HLA-DRA: variants seen among roughly 807,000 people sequenced by gnomAD.
HLA-DRA encodes HLA class II histocompatibility antigen, DR alpha chain.
A neutral mutation model predicts 22.1 loss-of-function variants in HLA-DRA; 8 were observed. The ratio of observed to expected loss-of-function variants is 0.36; its 90% confidence interval spans 0.21 to 0.65. HLA-DRA has a LOEUF of 0.65. Among genes scored for constraint, HLA-DRA ranks in the 30% least tolerant of loss-of-function variants. The pLI, the probability that HLA-DRA is intolerant of heterozygous loss-of-function variation, is 0.63. For missense variants in HLA-DRA, 248 were observed against 321.3 expected, an observed-to-expected ratio of 0.77 and a Z score of 1.74; for synonymous variants, 101 against 117.1, an observed-to-expected ratio of 0.86 and a Z score of 0.89.
chr6:32,443,407 A>G lies in HLA-DRA; in HGVS notation c.551A>G (p.Asp184Gly), dbSNP rs1224905721. Reference protein sequence around the residue: ...HYLPFLPSTEDVYDCRVEHWG... With the variant: ...HYLPFLPSTEGVYDCRVEHWG... Reference sequence around the variant, plus strand: ...CTCCCCTTCCTGCCCTCAACTGAGGACGTTTACGACTGCAGGGTGGAGCAC... The same window carrying G: ...CTCCCCTTCCTGCCCTCAACTGAGGGCGTTTACGACTGCAGGGTGGAGCAC... Residue 184 changes from aspartate to glycine, a missense_variant, in exon 3 of 5, where the codon GAC (aspartate) becomes GGC (glycine). By Grantham distance (94) the Asp-to-Gly change is moderately conservative. Transcript: ENST00000395388. The G allele has an allele frequency of 6.2e-7, 1 of 1,612,790 alleles. No homozygotes were observed. Among genetic ancestry groups the G allele is most frequent in the East Asian group, 2.2e-5 (1 of 44,898 alleles).
chr6:32,443,096 C>T (rs984542713), intron 2 of HLA-DRA, 89 bp from the exon 3 acceptor site: 26 of 1,199,112 alleles, frequency 2.2e-5, no homozygotes, highest in African/African-American at 3.0e-5. Context: ...TTTTTAGATA[C>T]GTTTGTACCA....
intron 4 of HLA-DRA, among the ~76,000 whole-genome samples, chr6:32,444,318 C>T (rs1762799536): frequency 6.6e-6 from 1 of 152,080 alleles, no homozygotes; most frequent in African/African-American, 2.4e-5. Context: ...TTTCCTGGGG[C>T]AGGTCATCAG....
chr6:32,442,456 G>A lies in HLA-DRA; in HGVS notation c.91G>A (p.Val31Met), dbSNP rs1305664191. ...CATTTCTTGCCTTTCAGAAGAACAT[G>A]TGATCATCCAGGCCGAGTTCTATCT... ...QESWAIKEEH[V>M]IIQAEFYLNP... The change falls in exon 2 of 5, where the codon GTG becomes ATG. Residue 31 changes from valine (V) to methionine (M), a missense_variant. Physicochemically the swap from Val to Met is conservative, Grantham distance 21. Coordinates refer to ENST00000395388, the MANE Select transcript of HLA-DRA (RefSeq NM_019111.5). The A allele has an allele frequency of 2.5e-6, 4 of 1,613,012 alleles. No individual in the cohort carries two copies. Among genetic ancestry groups the A allele is most frequent in the East Asian group, 2.2e-5 (1 of 44,886 alleles).
At chr6:32,444,390 G>A (rs1762802779) in intron 4 of HLA-DRA, among the ~76,000 whole-genome samples, 1 of 152,098 alleles carries the variant, frequency 6.6e-6, no homozygotes, top group African/African-American at 2.4e-5. Context: ...GCATGAAATG[G>A]GAATCTCTTA....
At chr6:32,441,301 T>C (rs1009306964) in intron 1 of HLA-DRA, among the ~76,000 whole-genome samples, 54 of 152,286 alleles carry the variant, frequency 3.5e-4, no homozygotes, top group Non-Finnish European at 6.8e-4. Flanking sequence ...GAGGTTGCAG[T>C]GAGCTGAGAT....
chr6:32,441,716 C>G (rs1386709719), intron 1 of HLA-DRA, among the ~76,000 whole-genome samples: 2 of 152,092 alleles, frequency 1.3e-5, no homozygotes, highest in African/African-American at 4.8e-5. Context: ...ACTTCAGTCC[C>G]CAGGTATATT....
intron 1 of HLA-DRA, among the ~76,000 whole-genome samples, chr6:32,441,446 C>T (rs1762614953): frequency 6.6e-6 from 1 of 152,228 alleles, no homozygotes; most frequent in Admixed American, 6.5e-5. Flanking sequence ...ATACACTCCA[C>T]AGAGGCAGCA....
chr6:32,440,836 G>T (rs987058914), intron 1 of HLA-DRA, among the ~76,000 whole-genome samples: 1 of 152,190 alleles, frequency 6.6e-6, no homozygotes, highest in African/African-American at 2.4e-5. Context: ...CCCACAGAAG[G>T]TGTCAGGTAG....
intron 3 of HLA-DRA, 37 bp downstream of exon 3, chr6:32,443,503 T>G: frequency 6.3e-7 from 1 of 1,576,948 alleles, no homozygotes; most frequent in Non-Finnish European, 8.7e-7. Flanking sequence ...ATTTCAAGGT[T>G]TCCTCCTATG....
At chr6:32,442,845 G>C (rs1762703081) in intron 2 of HLA-DRA, 152 bp downstream of exon 2, 2 of 928,780 alleles carry the variant, frequency 2.2e-6, no homozygotes, top group Non-Finnish European at 3.3e-6. Context: ...CCAGAGGTCT[G>C]AGAACTTTAT....
Position 32,443,167 on chromosome 6 carries a change from CTGTCA to C in HLA-DRA, c.329-14_329-10del. The C allele has an allele frequency of 6.2e-7, 1 of 1,607,196 alleles. No individual in the cohort carries two copies. The stretch of plus-strand genomic sequence containing the variant: ...CAGTGATGGCTGATTTCTGTCATGT[CTGTCA>C]TGTGTCCCCCAGTACCTCCAGAGGT... On this transcript the variant is annotated splice_polypyrimidine_tract_variant and intron_variant, in intron 2 of 4. Transcript: ENST00000395388.
rs1762820146 is a variant in HLA-DRA at position 32,444,649 on chromosome 6, T to C, written c.*12-3T>C. The C allele has an allele frequency of 6.6e-6, 1 of 152,200 alleles. No individual in the cohort carries two copies. The highest frequency in any genetic ancestry group is 1.5e-5 in the Non-Finnish European group (1 of 68,032). The allele number at this position is 152,200 out of a possible 1,614,324, so 9.4% of individuals were successfully genotyped here. ...CTTGGTAACTATGTGTGTCTTGCTA[T>C]AGGTGATGGTGTTTCTTAGAGAGAA... On this transcript the variant is annotated splice_polypyrimidine_tract_variant and splice_region_variant and intron_variant, in intron 4 of 4. Coordinates refer to ENST00000395388, the MANE Select transcript of HLA-DRA (RefSeq NM_019111.5).
chr6:32,440,893 C>G (rs1217297243), intron 1 of HLA-DRA, among the ~76,000 whole-genome samples: 1 of 152,102 alleles, frequency 6.6e-6, no homozygotes, highest in Non-Finnish European at 1.5e-5. Flanking sequence ...CCCATAGTGG[C>G]AATTGTAGAT....
chr6:32,442,005 G>A (rs1762648325), intron 1 of HLA-DRA, among the ~76,000 whole-genome samples: 1 of 152,086 alleles, frequency 6.6e-6, no homozygotes, highest in African/African-American at 2.4e-5. Flanking sequence ...TTCAAACAGC[G>A]TTTCTTTCTT....
intron 2 of HLA-DRA, among the ~76,000 whole-genome samples, 160 bp downstream of exon 2, chr6:32,442,853 T>C (rs1398233391): frequency 6.6e-6 from 1 of 152,178 alleles, no homozygotes; most frequent in Admixed American, 6.5e-5. Context: ...CTGAGAACTT[T>C]ATGGGTTTGA....
intron 2 of HLA-DRA, 94 bp from the exon 3 acceptor site, chr6:32,443,091 A>T: frequency 1.8e-6 from 2 of 1,129,676 alleles, no homozygotes; most frequent in Non-Finnish European, 2.6e-6. Context: ...TAGGGTTTTT[A>T]GATACGTTTG....
In HLA-DRA at chr6:32,443,291, G is replaced by T. The variant is rs532040678; in HGVS notation, c.435G>T (p.Thr145=). ...TCACCCCACCAGTGGTCAATGTCAC[G>T]TGGCTTCGAAATGGAAAACCTGTCA... ...DKFTPPVVNV[T]WLRNGKPVTT... Residue 145 remains threonine (T), a synonymous_variant, in exon 3 of 5, where the codon ACG becomes ACT. Coordinates refer to ENST00000395388, the MANE Select transcript of HLA-DRA (RefSeq NM_019111.5). 2.5e-6 allele frequency: 4 copies of T among 1,613,002 alleles called. No individual in the cohort carries two copies. The highest frequency in any genetic ancestry group is 3.4e-6 in the Non-Finnish European group (4 of 1,179,998).
chr6:32,443,950 T>C lies in HLA-DRA; in HGVS notation c.*11+29T>C, dbSNP rs747520598. On this transcript the variant is annotated intron_variant, in intron 4 of 4. Coordinates refer to ENST00000395388, the MANE Select transcript of HLA-DRA (RefSeq NM_019111.5). ...AGTTAGGTGTGGTCAGAGGAAGACG[T>C]ATATGGAGATATCTGAGGGAGGAAA... 1.8e-5 allele frequency: 26 copies of C among 1,442,374 alleles called. No homozygotes were observed. The South Asian group carries it at 4.4e-4, about 24-fold the overall frequency. 89.3% of individuals were successfully genotyped at this position (1,442,374 alleles called of 1,614,324 possible).
At chr6:32,441,006 G>A (rs538437270) in intron 1 of HLA-DRA, among the ~76,000 whole-genome samples, 1 of 152,194 alleles carries the variant, frequency 6.6e-6, no homozygotes, top group Non-Finnish European at 1.5e-5. Flanking sequence ...GTGTGTGTTT[G>A]CATAGATGCA....
Sources: allele counts gnomAD v4.1 joint callset (sites outside exome capture counted in the v4.1 genomes callset), GRCh38; gene constraint gnomAD v4.1.1; transcripts MANE v1.5; gene names NCBI Gene and HGNC (gene_info 2026-07-23, HGNC 2026-07-21).